GDAP2: variants seen among roughly 807,000 people sequenced by gnomAD.
GDAP2 encodes the protein ganglioside induced differentiation associated protein 2.
Under a neutral mutation model 67.0 loss-of-function variants are expected in GDAP2, and 51 were observed. The observed-to-expected ratio is 0.76, with a 90% CI of 0.61 to 0.96. The LOEUF (loss-of-function observed/expected upper bound fraction) is 0.96. GDAP2 is among the 40% of genes least tolerant of loss of function. GDAP2 has a pLI of 0.00. For synonymous variants in GDAP2, 203 were observed against 207.3 expected, an observed-to-expected ratio of 0.98 and a Z score of 0.18; for missense variants, 547 against 588.3, an observed-to-expected ratio of 0.93 and a Z score of 0.73.
At chr1:117,891,242 C>T (rs1313135056) in intron 8 of GDAP2, among the ~76,000 whole-genome samples, 1 of 150,788 alleles carries the variant, frequency 6.6e-6, no homozygotes, top group African/African-American at 2.4e-5. Flanking sequence ...GGGCTACAAT[C>T]AACTTGTTTT....
Position 117,875,581 on chromosome 1 carries a change from G to A in GDAP2, c.1446+2428C>T, listed in dbSNP as rs567898176. Among the ~76,000 whole-genome samples the A allele has an allele frequency of 1.5e-3, 234 of 152,314 alleles. 1 individual carries two copies. Among genetic ancestry groups the A allele is most frequent in the Middle Eastern group, 3.4e-3 (1 of 294 alleles). ...CGTCCAGACCCAGAATTTCAGCCTG[G>A]AAAAACCTCTAGCATTCAGCTTCAA... On this transcript the variant is annotated intron_variant, in intron 13 of 13. Transcript: ENST00000369443.
chr1:117,907,791 T>C (rs566357671), intron 5 of GDAP2, among the ~76,000 whole-genome samples: 12 of 152,316 alleles, frequency 7.9e-5, no homozygotes, highest in African/African-American at 2.4e-4. Context: ...ATACTCACTG[T>C]TGCCTGAGTT....
intron 10 of GDAP2, among the ~76,000 whole-genome samples, chr1:117,885,648 T>A (rs1038001837): frequency 2.6e-5 from 4 of 152,218 alleles, no homozygotes; most frequent in African/African-American, 9.6e-5. Flanking sequence ...CAGTTTTTTT[T>A]ACCCAACAAC....
rs1649281369 is a variant in GDAP2, at chr1:117,896,847, C to T, written c.939G>A (p.Lys313=). The T allele has an allele frequency of 1.9e-6, 3 of 1,611,312 alleles. No individual in the cohort carries two copies. The highest frequency in any genetic ancestry group is 1.3e-5 in the African/African-American group (1 of 74,802). Residue 313 remains lysine (K), a synonymous_variant, in exon 8 of 14, where the codon AAG becomes AAA. Transcript: ENST00000369443. ...GGTTGTCTTACTTTCTTTGATGCTGCTTCTGCAGAGCTGCCTCTGATAATT... is the reference window on the plus strand; with the variant it reads ...GGTTGTCTTACTTTCTTTGATGCTGTTTCTGCAGAGCTGCCTCTGATAATT... ...QGQLSEAALQ[K]QHQRNYNRWL... is the part of the protein sequence containing the mutation.
chr1:117,876,096 C>A (rs1648443649), intron 13 of GDAP2, among the ~76,000 whole-genome samples: 1 of 152,090 alleles, frequency 6.6e-6, no homozygotes, highest in Non-Finnish European at 1.5e-5. Context: ...ACCCTCTAAA[C>A]CTCATGTTAA....
At chr1:117,909,973 G>A (rs918044035) in intron 5 of GDAP2, among the ~76,000 whole-genome samples, 2 of 152,112 alleles carry the variant, frequency 1.3e-5, no homozygotes, top group Non-Finnish European at 1.5e-5. Flanking sequence ...TATAAAAGAA[G>A]CTATGAGATG....
intron 3 of GDAP2, among the ~76,000 whole-genome samples, chr1:117,915,735 G>A (rs1650027759): frequency 6.6e-6 from 1 of 152,102 alleles, no homozygotes; most frequent in African/African-American, 2.4e-5. Flanking sequence ...TTCACAAAGT[G>A]AATATAAGAC....
At chr1:117,875,679 C>T (rs1648432143) in intron 13 of GDAP2, among the ~76,000 whole-genome samples, 1 of 152,296 alleles carries the variant, frequency 6.6e-6, no homozygotes, top group South Asian at 2.1e-4. Flanking sequence ...CCTTGGGAGC[C>T]CACCCCTTGT....
chr1:117,906,092 CA>C (rs2101147517), intron 6 of GDAP2, among the ~76,000 whole-genome samples: 1 of 152,290 alleles, frequency 6.6e-6, no homozygotes, highest in Admixed American at 6.5e-5. Context: ...CTACATATAA[CA>C]AAACACATAA....
At chr1:117,888,519 A>G (rs1359348267) in intron 8 of GDAP2, among the ~76,000 whole-genome samples, 1 of 152,212 alleles carries the variant, frequency 6.6e-6, no homozygotes, top group African/African-American at 2.4e-5. Flanking sequence ...ATTAAATAGT[A>G]GAGTTGAATT....
Position 117,864,616 on chromosome 1 carries a change from GT to G in GDAP2, c.*5952del, listed in dbSNP as rs1647999441. The G allele has an allele frequency of 6.6e-6, 1 of 151,930 alleles. No individual in the cohort carries two copies. Among genetic ancestry groups the G allele is most frequent in the Admixed American group, 6.6e-5 (1 of 15,246 alleles). 9.4% of individuals were successfully genotyped at this position (151,930 alleles called of 1,614,324 possible). Reference sequence around the variant, plus strand: ...TGTGTTAACCCATAAACTTGTTTTGGTTTTATACTTGTGCAAGACATATAAA... The same window carrying G: ...TGTGTTAACCCATAAACTTGTTTTGGTTTATACTTGTGCAAGACATATAAA... On this transcript the variant is annotated 3_prime_UTR_variant, in exon 14 of 14. Coordinates refer to ENST00000369443, the MANE Select transcript of GDAP2 (RefSeq NM_017686.4).
intron 8 of GDAP2, among the ~76,000 whole-genome samples, chr1:117,896,218 A>G (rs1408610696): frequency 6.6e-6 from 1 of 152,204 alleles, no homozygotes; most frequent in Non-Finnish European, 1.5e-5. Context: ...AATGGATAGT[A>G]GACATTTATA....
At chr1:117,916,690 T>G (rs1414498331) in intron 3 of GDAP2, among the ~76,000 whole-genome samples, 1 of 152,052 alleles carries the variant, frequency 6.6e-6, no homozygotes, top group African/African-American at 2.4e-5. Context: ...AGACTTTATG[T>G]GAGGGATAAG....
At chr1:117,927,954 G>C (rs1375642667) in intron 1 of GDAP2, among the ~76,000 whole-genome samples, 1 of 152,114 alleles carries the variant, frequency 6.6e-6, no homozygotes, top group Non-Finnish European at 1.5e-5. Flanking sequence ...TTGAAACATT[G>C]TATAAGGAAT....
At position 117,918,676 on chromosome 1, in the gene GDAP2, G is replaced by A; in HGVS notation, c.237C>T (p.Leu79=). 4 of 1,601,258 alleles carry A rather than the reference G, an allele frequency of 2.5e-6. No homozygotes were observed. In the African/African-American group the frequency reaches 4.0e-5, roughly 16 times the overall value. ...TAIVNTSNES[L]TDKNPVSESI... ...TTTCTGACACAGGATTCTTATCTGTGAGACTTTCATTGCTGGTATTCACAA... is the reference window on the plus strand; with the variant it reads ...TTTCTGACACAGGATTCTTATCTGTAAGACTTTCATTGCTGGTATTCACAA... The change falls in exon 3 of 14, where the codon CTC becomes CTT. Residue 79 remains leucine (L), a synonymous_variant. Transcript: ENST00000369443.
At chr1:117,873,916 A>G (rs2101115618) in intron 13 of GDAP2, among the ~76,000 whole-genome samples, 1 of 152,286 alleles carries the variant, frequency 6.6e-6, no homozygotes, top group Admixed American at 6.5e-5. Flanking sequence ...TTTCTCTGCC[A>G]GCCTTTACTA....
At chr1:117,910,282 T>A (rs529762391) in intron 5 of GDAP2, among the ~76,000 whole-genome samples, 1 of 152,068 alleles carries the variant, frequency 6.6e-6, no homozygotes, top group Admixed American at 6.5e-5. Context: ...GACACCACAC[T>A]ACCTAAAACA....
chr1:117,899,883 T>C (rs1331324809), intron 6 of GDAP2, among the ~76,000 whole-genome samples: 1 of 152,152 alleles, frequency 6.6e-6, no homozygotes, highest in Non-Finnish European at 1.5e-5. Context: ...TATTACAAAC[T>C]ATACTAAAAA....
chr1:117,911,984 T>A lies in GDAP2; in HGVS notation c.559+10A>T, dbSNP rs1197438495. ...TTCAATTCATGTACAGCATCTCTGA[T>A]ATTACTTACGAAGTGCTATGTGTGT... On this transcript the variant is annotated intron_variant, in intron 5 of 13. Transcript: ENST00000369443. The A allele has an allele frequency of 6.9e-7, 1 of 1,454,632 alleles. No individual in the cohort carries two copies. Among genetic ancestry groups the A allele is most frequent in the Non-Finnish European group, 9.7e-7 (1 of 1,035,006 alleles). 90.1% of individuals were successfully genotyped at this position (1,454,632 alleles called of 1,614,324 possible).
Sources: allele counts gnomAD v4.1 joint callset (sites outside exome capture counted in the v4.1 genomes callset), GRCh38; gene constraint gnomAD v4.1.1; transcripts MANE v1.5; gene names NCBI Gene and HGNC (gene_info 2026-07-23, HGNC 2026-07-21).